Variants in RAPGEF6 observed in about 807,000 individuals in gnomAD.
RAPGEF6 encodes the protein Rap guanine nucleotide exchange factor 6.
In RAPGEF6, 56 loss-of-function variants were observed where a neutral mutation model predicts 171.4. The observed-to-expected ratio is 0.33, with a 90% CI of 0.26 to 0.41. RAPGEF6 has a LOEUF of 0.41. Ranked by LOEUF, RAPGEF6 falls within the 10% of genes least tolerant of loss-of-function variation. The probability of loss-of-function intolerance (pLI) is 1.00; values close to 1 mark genes in which losing one functional copy is unlikely to be tolerated. For synonymous variants in RAPGEF6, 692 were observed against 650.1 expected (o/e 1.06, Z -0.98); for missense variants, 1,674 against 1,921.4 (o/e 0.87, Z 2.41).
intron 6 of RAPGEF6, among the ~76,000 whole-genome samples, chr5:131,545,070 A>C (rs1327119255): frequency 1.3e-5 from 2 of 152,338 alleles, no homozygotes; most frequent in South Asian, 2.1e-4. Flanking sequence ...AAATTGTTGC[A>C]AACTCAGAGC....
intron 19 of RAPGEF6, 59 bp from the exon 20 acceptor site, chr5:131,456,071 G>T: frequency 7.8e-7 from 1 of 1,276,118 alleles, no homozygotes; most frequent in Non-Finnish European, 1.1e-6. Context: ...GTGGACTCAG[G>T]TCAGCATATA....
At chr5:131,565,896 A>T in intron 4 of RAPGEF6, among the ~76,000 whole-genome samples, 1 of 152,246 alleles carries the variant, frequency 6.6e-6, no homozygotes, top group Admixed American at 6.5e-5. Flanking sequence ...CTGTAATCCC[A>T]GCACTTTGGG....
chr5:131,512,304 G>A (rs1311437240), intron 7 of RAPGEF6, among the ~76,000 whole-genome samples: 1 of 152,110 alleles, frequency 6.6e-6, no homozygotes, highest in Non-Finnish European at 1.5e-5. Flanking sequence ...CAGGTACCCT[G>A]AGGCTAGAGT....
At chr5:131,625,542 A>G (rs1765859015) in intron 1 of RAPGEF6, among the ~76,000 whole-genome samples, 1 of 151,872 alleles carries the variant, frequency 6.6e-6, no homozygotes. Context: ...GTGGCTGGGC[A>G]CGGTGGCTCA....
At chr5:131,457,928 C>T (rs188335987) in intron 19 of RAPGEF6, among the ~76,000 whole-genome samples, 5 of 152,176 alleles carry the variant, frequency 3.3e-5, no homozygotes, top group Non-Finnish European at 5.9e-5. Context: ...ACTCAAAACT[C>T]CCAAAATATT....
rs560214749 is a variant in RAPGEF6 at position 131,446,714 on chromosome 5, A to G, written c.3201-11T>C. 18 of 1,605,922 alleles carry G rather than the reference A, an allele frequency of 1.1e-5. No individual in the cohort carries two copies. The highest frequency in any genetic ancestry group is 1.5e-5 in the Non-Finnish European group (18 of 1,173,230). ...CCTTGACTCAGTGACCTATAAGAAG[A>G]TGAAAATCACAATAAGGGGCTATAG... is the stretch of plus-strand genomic sequence containing the variant. On this transcript the variant is annotated splice_polypyrimidine_tract_variant and intron_variant, in intron 21 of 27. Coordinates refer to ENST00000509018, the MANE Select transcript of RAPGEF6 (RefSeq NM_016340.6).
intron 4 of RAPGEF6, among the ~76,000 whole-genome samples, chr5:131,582,837 G>A (rs891174251): frequency 5.3e-5 from 8 of 152,128 alleles, no homozygotes; most frequent in African/African-American, 1.4e-4. Context: ...ATAGACTGCC[G>A]GTGAGAATAT....
chr5:131,562,190 T>C (rs1761645725), intron 4 of RAPGEF6, 143 bp from the exon 5 acceptor site: 2 of 567,028 alleles, frequency 3.5e-6, no homozygotes, highest in African/African-American at 2.0e-5. Flanking sequence ...TATGTTAAGA[T>C]TTTCTAAAAA....
intron 4 of RAPGEF6, among the ~76,000 whole-genome samples, chr5:131,584,722 T>C (rs6883034): frequency 0.78 from 118,264 of 152,124 alleles, 46,289 homozygotes; most frequent in Middle Eastern, 0.82. Flanking sequence ...ACAGACCTCC[T>C]GCTAACCAGT....
chr5:131,589,580 A>C (rs1354366550), intron 4 of RAPGEF6, among the ~76,000 whole-genome samples: 2 of 152,222 alleles, frequency 1.3e-5, no homozygotes, highest in African/African-American at 4.8e-5. Flanking sequence ...GGACTGTGAC[A>C]GTTATTTACT....
chr5:131,579,110 T>C (rs939882975), intron 4 of RAPGEF6, among the ~76,000 whole-genome samples: 12 of 152,200 alleles, frequency 7.9e-5, no homozygotes, highest in Non-Finnish European at 1.6e-4. Flanking sequence ...GGAGTGAAGC[T>C]GCAGGCCTTC....
At chr5:131,430,817 A>G (rs1488774673) in intron 26 of RAPGEF6, 42 bp downstream of exon 26, 2 of 1,581,500 alleles carry the variant, frequency 1.3e-6, no homozygotes, top group Non-Finnish European at 1.7e-6. Flanking sequence ...TTTTTTGACT[A>G]CTTAATCTCT....
At chr5:131,631,137 G>T (rs1766280683) in intron 1 of RAPGEF6, among the ~76,000 whole-genome samples, 1 of 152,064 alleles carries the variant, frequency 6.6e-6, no homozygotes. Flanking sequence ...TCACTACTTG[G>T]TAATTTTACC....
At chr5:131,623,705 G>A (rs529584147) in intron 1 of RAPGEF6, among the ~76,000 whole-genome samples, 16 of 151,900 alleles carry the variant, frequency 1.1e-4, no homozygotes, top group South Asian at 6.2e-4. Context: ...GGCTGGTTTC[G>A]AACTCCTGAC....
intron 11 of RAPGEF6, among the ~76,000 whole-genome samples, chr5:131,500,401 G>T (rs962768021): frequency 6.6e-6 from 1 of 152,074 alleles, no homozygotes; most frequent in Non-Finnish European, 1.5e-5. Context: ...CCATTTCCTA[G>T]AATAGCTGAG....
chr5:131,510,521 T>C, intron 7 of RAPGEF6, 30 bp from the exon 8 acceptor site: 1 of 1,590,010 alleles, frequency 6.3e-7, no homozygotes. Context: ...TCACTTACCA[T>C]TTCATGTAAA....
chr5:131,462,288 T>A (rs1753989037), intron 18 of RAPGEF6, among the ~76,000 whole-genome samples, 200 bp from the exon 19 acceptor site: 1 of 152,212 alleles, frequency 6.6e-6, no homozygotes. Context: ...CCAACTGGCA[T>A]CTATTAAAGA....
chr5:131,543,261 T>G (rs145680155), intron 6 of RAPGEF6, among the ~76,000 whole-genome samples: 1 of 152,136 alleles, frequency 6.6e-6, no homozygotes, highest in African/African-American at 2.4e-5. Context: ...GGGCTAGCGA[T>G]AGGGCAACAA....
intron 19 of RAPGEF6, among the ~76,000 whole-genome samples, chr5:131,457,436 A>T (rs1753592851): frequency 6.6e-6 from 1 of 152,184 alleles, no homozygotes; most frequent in South Asian, 2.1e-4. Context: ...GAGACAGGAG[A>T]GAAGGGAGAC....
Sources: gnomAD v4.1 joint callset for allele counts (sites outside exome capture counted in the v4.1 genomes callset) on GRCh38, gnomAD v4.1.1 for gene constraint, MANE v1.5 for transcripts, NCBI Gene and HGNC (gene_info 2026-07-23, HGNC 2026-07-21) for gene names.